Variants in ZBTB25 observed in about 807,000 individuals in gnomAD.
The protein encoded by ZBTB25 is zinc finger and BTB domain containing 25, also known as zinc finger and BTB domain-containing protein 25.
ZBTB25 carries 20 observed loss-of-function variants against 34.2 expected under a neutral mutation model. The observed-to-expected ratio is 0.58, with a 90% CI of 0.41 to 0.85. ZBTB25 has a LOEUF of 0.85. Ranked by LOEUF, ZBTB25 falls within the 40% of genes least tolerant of loss-of-function variation. The probability of loss-of-function intolerance (pLI) is 0.00; values close to 1 mark genes in which losing one functional copy is unlikely to be tolerated. For synonymous variants in ZBTB25, 175 were observed against 186.4 expected (o/e 0.94, Z 0.50); for missense variants, 437 against 521.8 (o/e 0.84, Z 1.58).
At chr14:64,474,764 T>A (rs2078704714), downstream of ZBTB25, among the ~76,000 whole-genome samples, 1 of 152,254 alleles carries the variant, frequency 6.6e-6, no homozygotes, top group South Asian at 2.1e-4. Context: ...AAAAGCACAC[T>A]GTTTTCATCT....
intron 1 of ZBTB25, among the ~76,000 whole-genome samples, chr14:64,496,200 ACAGAC>A: frequency 6.6e-6 from 1 of 152,232 alleles, no homozygotes; most frequent in Admixed American, 6.5e-5. Flanking sequence ...AAAAAGTATT[ACAGAC>A]CAGTCACGGT....
Position 64,487,856 on chromosome 14 carries a change from G to C in ZBTB25, c.375C>G (p.Ser125=), listed in dbSNP as rs144841048. The C allele has an allele frequency of 3.8e-5, 62 of 1,614,050 alleles. No homozygotes were observed. The Admixed American group carries it at 4.0e-4, about 10-fold the overall frequency. Residue 125 remains serine, a synonymous_variant, in exon 3 of 3, where the codon TCC becomes TCG. Transcript: ENST00000608382. ...AGATCTGAATGCCATATAAATTTGA[G>C]GACTGCACAGTCTCTGGTGAGAACA... ...NQVFSPETVQ[S]SNLYGIQIST...
At chr14:64,465,145 T>C (rs768205074) in intron 2 of ZBTB25, among the ~76,000 whole-genome samples, 3 of 152,250 alleles carry the variant, frequency 2.0e-5, no homozygotes, top group Non-Finnish European at 4.4e-5. Context: ...GTAATGCGAC[T>C]GTCTATAATT....
At chr14:64,459,411 A>G (rs1164413802) in intron 2 of ZBTB25, among the ~76,000 whole-genome samples, 2 of 152,250 alleles carry the variant, frequency 1.3e-5, no homozygotes, top group African/African-American at 4.8e-5. Flanking sequence ...GGGTCATAGT[A>G]TAAAACAAAA....
intron 1 of ZBTB25, among the ~76,000 whole-genome samples, chr14:64,495,678 T>C (rs1301372269): frequency 6.6e-6 from 1 of 152,242 alleles, no homozygotes; most frequent in East Asian, 1.9e-4. Flanking sequence ...TTTTATCAGC[T>C]GGGCGTAGTG....
chr14:64,472,057 A>G (rs1321436150), intron 2 of ZBTB25: 2 of 166,670 alleles, frequency 1.2e-5, no homozygotes, highest in Non-Finnish European at 2.9e-5. Flanking sequence ...GAGCAAGATG[A>G]AAAGTGTCAT....
intron 2 of ZBTB25, among the ~76,000 whole-genome samples, chr14:64,454,109 C>T (rs899001282): frequency 3.3e-5 from 5 of 152,060 alleles, no homozygotes; most frequent in African/African-American, 4.8e-5. Context: ...ATATTGAGAA[C>T]GTCTCCAGTT....
chr14:64,465,931 G>A (rs933763754), intron 2 of ZBTB25, among the ~76,000 whole-genome samples: 3 of 152,200 alleles, frequency 2.0e-5, no homozygotes, highest in Non-Finnish European at 4.4e-5. Context: ...TAATTCTGCA[G>A]ACAGCCTGAA....
intron 2 of ZBTB25, among the ~76,000 whole-genome samples, chr14:64,449,873 C>T (rs573920893): frequency 3.3e-5 from 5 of 152,272 alleles, no homozygotes; most frequent in Non-Finnish European, 7.3e-5. Flanking sequence ...ACTGCAACCT[C>T]TGCCTCCTGG....
rs148957851 is a variant in ZBTB25, at chr14:64,495,576, C to T, written c.-7-5036G>A. ...TATGCCAGTCTAAAAGCCATAAAAA[C>T]AGAAGCTTATTCATTGCTGTTCTCC... On this transcript the variant is annotated intron_variant, in intron 1 of 2. Coordinates refer to ENST00000608382, the MANE Select transcript of ZBTB25 (RefSeq NM_006977.5). Among the ~76,000 whole-genome samples the T allele has an allele frequency of 8.0e-4, 122 of 152,350 alleles. 1 individual carries two copies. Among genetic ancestry groups the T allele is most frequent in the African/African-American group, 2.9e-3 (119 of 41,574 alleles).
intron 2 of ZBTB25, chr14:64,454,991 G>A (rs2078445897): frequency 2.8e-6 from 3 of 1,061,306 alleles, no homozygotes; most frequent in Non-Finnish European, 4.4e-6. Context: ...GAAGAAAATT[G>A]GAATCGGGCC....
intron 1 of ZBTB25, among the ~76,000 whole-genome samples, chr14:64,498,927 C>T (rs1372864882): frequency 6.6e-6 from 1 of 152,172 alleles, no homozygotes; most frequent in Admixed American, 6.5e-5. Flanking sequence ...AGCCACCGCG[C>T]CCAGCCCAGA....
Position 64,485,113 on chromosome 14 carries a change from C to G in ZBTB25, c.*1810G>C. The G allele has an allele frequency of 1.0e-6, 1 of 985,424 alleles. No individual in the cohort carries two copies. Among genetic ancestry groups the G allele is most frequent in the South Asian group, 4.7e-5 (1 of 21,282 alleles). 61.0% of individuals were successfully genotyped at this position (985,424 alleles called of 1,614,324 possible). A position where few individuals can be genotyped will look rare whatever the true frequency, so the allele number is the denominator to read the frequency against. ...CCAGTAGCTTTCTTCATTCAATCCT[C>G]AAGAAAAACTTACCACTTTGTAATT... is the stretch of plus-strand genomic sequence containing the variant. On this transcript the variant is annotated 3_prime_UTR_variant, in exon 3 of 3. Transcript: ENST00000608382.
chr14:64,504,775 A>G, upstream of ZBTB25: 1 of 379,190 alleles, frequency 2.6e-6, no homozygotes, highest in Non-Finnish European at 4.7e-6. Flanking sequence ...CCTTTGTTGC[A>G]GCACAGTCCC....
At chr14:64,465,080 A>G (rs1041525054) in intron 2 of ZBTB25, among the ~76,000 whole-genome samples, 3 of 152,234 alleles carry the variant, frequency 2.0e-5, no homozygotes, top group Non-Finnish European at 2.9e-5. Context: ...TCCTGCTTTT[A>G]AAATGCGATG....
intron 1 of ZBTB25, among the ~76,000 whole-genome samples, chr14:64,499,200 A>T (rs1033919054): frequency 1.3e-5 from 2 of 152,200 alleles, no homozygotes; most frequent in African/African-American, 4.8e-5. Flanking sequence ...TATGGAAATT[A>T]TGTTGACTAC....
chr14:64,481,389 A>C lies in ZBTB25; in HGVS notation c.*5534T>G, dbSNP rs957800338. On this transcript the variant is annotated 3_prime_UTR_variant, in exon 3 of 3. Transcript: ENST00000608382. ...TGTTTCTGAAGCAAATTCACAGTAC[A>C]TTAGGTGGATGAGTTTAGCCACACA... 6.6e-6 allele frequency: 1 copy of C among 152,268 alleles called. No homozygotes were observed. Among genetic ancestry groups the C allele is most frequent in the African/African-American group, 2.4e-5 (1 of 41,478 alleles). The allele number at this position is 152,268 out of a possible 1,614,324, so 9.4% of individuals were successfully genotyped here. A position where few individuals can be genotyped will look rare whatever the true frequency, so the allele number is the denominator to read the frequency against.
At chr14:64,496,545 T>C (rs1259999665) in intron 1 of ZBTB25, among the ~76,000 whole-genome samples, 1 of 152,194 alleles carries the variant, frequency 6.6e-6, no homozygotes, top group South Asian at 2.1e-4. Context: ...GTTATATTTA[T>C]CAATATTTAC....
At chr14:64,452,064 G>A (rs1365040221) in intron 2 of ZBTB25, among the ~76,000 whole-genome samples, 4 of 152,222 alleles carry the variant, frequency 2.6e-5, no homozygotes, top group Non-Finnish European at 5.9e-5. Context: ...GGGAAGCTGA[G>A]GTGGGTGGAT....
Sources: gnomAD v4.1 joint callset for allele counts (sites outside exome capture counted in the v4.1 genomes callset) on GRCh38, gnomAD v4.1.1 for gene constraint, MANE v1.5 for transcripts, NCBI Gene and HGNC (gene_info 2026-07-23, HGNC 2026-07-21) for gene names.